Variants in FAM78A observed in about 807,000 individuals in gnomAD.
FAM78A encodes the protein family with sequence similarity 78 member A, also known as protein FAM78A.
Under a neutral mutation model 22.6 loss-of-function variants are expected in FAM78A, and 12 were observed. The observed-to-expected ratio is 0.53, with a 90% CI of 0.34 to 0.86. FAM78A has a LOEUF of 0.86. Ranked by LOEUF, FAM78A falls within the 40% of genes least tolerant of loss-of-function variation. FAM78A has a pLI of 0.02. For missense variants in FAM78A, 322 were observed against 396.1 expected (o/e 0.81, Z 1.59); for synonymous variants, 151 against 155.8 (o/e 0.97, Z 0.23).
chr9:131,267,820 C>T (rs1377683311), intron 1 of FAM78A, among the ~76,000 whole-genome samples: 4 of 151,926 alleles, frequency 2.6e-5, no homozygotes, highest in African/African-American at 4.8e-5. Flanking sequence ...CTGAGGCGGG[C>T]AGATCACAAG....
intron 1 of FAM78A, chr9:131,264,561 T>C (rs1450773986): frequency 5.6e-6 from 4 of 716,050 alleles, no homozygotes; most frequent in Non-Finnish European, 1.0e-5. Flanking sequence ...GTTTTTGTGA[T>C]GATTAAATGT....
chr9:131,270,359 T>C (rs1336224427), intron 1 of FAM78A: 2 of 717,418 alleles, frequency 2.8e-6, no homozygotes, highest in African/African-American at 3.5e-5. Flanking sequence ...TGGGCACGAC[T>C]GATCTTTTTC....
chr9:131,277,737 G>A (rs1835503356), upstream of FAM78A, among the ~76,000 whole-genome samples: 1 of 151,042 alleles, frequency 6.6e-6, no homozygotes, highest in Non-Finnish European at 1.5e-5. This position sits in a 1 kb window ranked among gnomAD's most constrained non-coding sequence, Gnocchi z 8.4. Flanking sequence ...CGGGGGGGCG[G>A]CCGGGGGCGG....
rs1311041330 is a variant in FAM78A, at chr9:131,270,999, G to GCCTTTTTTTTTTTTTT, written c.323+4857_323+4858insAAAAAAAAAAAAAAGG. On this transcript the variant is annotated intron_variant, in intron 1 of 1. Transcript: ENST00000372271. ...ACCCCTGCCCTGTCCTTTCCCACCA[G>GCCTTTTTTTTTTTTTT]TCTTTTTTTTTTTTTTTTTTTTTTG... Among the ~76,000 whole-genome samples the GCCTTTTTTTTTTTTTT allele has an allele frequency of 3.8e-5, 5 of 131,964 alleles. 1 individual carries two copies. The highest frequency in any genetic ancestry group is 2.4e-4 in the South Asian group (1 of 4,234). 86.6% of individuals were successfully genotyped at this position (131,964 alleles called of 152,430 possible).
chr9:131,273,475 G>A lies in FAM78A; in HGVS notation c.323+2382C>T, dbSNP rs112600595. Among the ~76,000 whole-genome samples, 881 of 152,372 alleles carry A rather than the reference G, an allele frequency of 5.8e-3. 11 individuals carry two copies. Among genetic ancestry groups the A allele is most frequent in the African/African-American group, 0.018 (767 of 41,594 alleles). On this transcript the variant is annotated intron_variant, in intron 1 of 1. Coordinates refer to ENST00000372271, the MANE Select transcript of FAM78A (RefSeq NM_033387.4). ...GCAGCAAAAGAGGAGTCCCGAGAGC[G>A]AGAGGGAGCAAAGAGAAACATCAGG...
intron 1 of FAM78A, among the ~76,000 whole-genome samples, chr9:131,270,916 G>C (rs1485959794): frequency 6.6e-6 from 1 of 152,030 alleles, no homozygotes; most frequent in African/African-American, 2.4e-5. Flanking sequence ...GAAGGCGCCC[G>C]AGGCAGCCAT....
chr9:131,262,744 C>A (rs192540135), intron 1 of FAM78A: 1 of 152,130 alleles, frequency 6.6e-6, no homozygotes, highest in Non-Finnish European at 1.5e-5. Context: ...CAGGCTACAA[C>A]ACAGATCAAC....
upstream of FAM78A, among the ~76,000 whole-genome samples, chr9:131,280,894 C>G (rs562549931): frequency 3.3e-5 from 5 of 152,300 alleles, no homozygotes; most frequent in African/African-American, 4.8e-5. Context: ...GTTGACCCGA[C>G]CCTGTCATCA....
chr9:131,278,862 G>C (rs745441476), upstream of FAM78A, among the ~76,000 whole-genome samples: 1 of 152,258 alleles, frequency 6.6e-6, no homozygotes, highest in Non-Finnish European at 1.5e-5. Context: ...GCCCACAGCC[G>C]GCACAGGGCA....
At chr9:131,264,725 C>CTTTTT (rs1564236515) in intron 1 of FAM78A, 1 of 406,824 alleles carries the variant, frequency 2.5e-6, no homozygotes. Context: ...CCTTTTCTGA[C>CTTTTT]CTTTTTTTTT....
chr9:131,269,537 C>CTCACG (rs1372072043), intron 1 of FAM78A, among the ~76,000 whole-genome samples: 1 of 151,654 alleles, frequency 6.6e-6, no homozygotes, highest in African/African-American at 2.4e-5. Context: ...AGTGCAGTGG[C>CTCACG]GTGATCTCGG....
chr9:131,279,590 A>G (rs1835522532), upstream of FAM78A, among the ~76,000 whole-genome samples: 1 of 152,170 alleles, frequency 6.6e-6, no homozygotes, highest in African/African-American at 2.4e-5. Context: ...CCTCTCGTGG[A>G]AAGGACAGGG....
chr9:131,260,960 G>C lies in FAM78A; in HGVS notation c.714C>G (p.Asp238Glu). 2 of 1,612,540 alleles carry C rather than the reference G, an allele frequency of 1.2e-6. No homozygotes were observed. The highest frequency in any genetic ancestry group is 1.3e-5 in the African/African-American group (1 of 75,032). ...CATTCTTGCTCAGGATTTTGGGCTG[G>C]TCCTGGGCGATGGGCTCCCGCAGCC... ...RARLREPIAQ[D>E]QPKILSKNEP... Residue 238 changes from aspartate to glutamate, a missense_variant, in exon 2 of 2, where the codon GAC becomes GAG. Transcript: ENST00000372271. This position sits in a 1 kb window ranked among gnomAD's most constrained non-coding sequence, Gnocchi z 5.4.
upstream of FAM78A, among the ~76,000 whole-genome samples, chr9:131,279,474 A>G (rs2148664): frequency 0.36 from 55,187 of 152,124 alleles, 10,620 homozygotes; most frequent in East Asian, 0.52. Context: ...CCCGACTCTC[A>G]TCACCCCGAC....
At position 131,276,301 on chromosome 9, in the gene FAM78A, C is replaced by T. The variant is rs1249993691; in HGVS notation, c.-122G>A. The T allele has an allele frequency of 2.7e-6, 2 of 740,334 alleles. No individual in the cohort carries two copies. The highest frequency in any genetic ancestry group is 5.5e-5 in the East Asian group (2 of 36,554). 45.9% of individuals were successfully genotyped at this position (740,334 alleles called of 1,614,324 possible). A position where few individuals can be genotyped will look rare whatever the true frequency, so the allele number is the denominator to read the frequency against. ...AGACTGGGGTTGCATATATCACTAC[C>T]GCGGCCTGTTTATAAATAAGGATTC... On this transcript the variant is annotated 5_prime_UTR_variant, in exon 1 of 2. Transcript: ENST00000372271. This position sits in a 1 kb window ranked among gnomAD's most constrained non-coding sequence, Gnocchi z 4.3.
At chr9:131,266,824 A>G (rs1196561458) in intron 1 of FAM78A, among the ~76,000 whole-genome samples, 3 of 152,236 alleles carry the variant, frequency 2.0e-5, no homozygotes, top group Non-Finnish European at 2.9e-5. Context: ...TTCAGGCACC[A>G]TAATGTCTGT....
chr9:131,270,261 C>G, intron 1 of FAM78A: 1 of 717,376 alleles, frequency 1.4e-6, no homozygotes, highest in Admixed American at 2.0e-5. Context: ...CGGTAACAGG[C>G]ACAGCTGAGC....
At position 131,275,850 on chromosome 9, in the gene FAM78A, T is replaced by A. The variant is rs778896933; in HGVS notation, c.323+7A>T. On this transcript the variant is annotated splice_region_variant and intron_variant, in intron 1 of 1. Transcript: ENST00000372271. The surrounding 1 kb of genome is among the most constrained non-coding windows in gnomAD (Gnocchi z 4.6). ...AGTTCCCAGAGCTGGCTCTCGGCCG[T>A]ACTCACATGCCCTGCTCGCCGTACT... 1.9e-6 allele frequency: 3 copies of A among 1,572,612 alleles called. No individual in the cohort carries two copies. The highest frequency in any genetic ancestry group is 2.6e-6 in the Non-Finnish European group (3 of 1,156,804).
chr9:131,262,152 C>G (rs1835279403), intron 1 of FAM78A, among the ~76,000 whole-genome samples: 1 of 151,234 alleles, frequency 6.6e-6, no homozygotes, highest in South Asian at 2.1e-4. Context: ...ATGGTGAAAC[C>G]CTGTCTCTAC....
Sources: allele counts gnomAD v4.1 joint callset (sites outside exome capture counted in the v4.1 genomes callset), GRCh38; gene constraint gnomAD v4.1.1; non-coding constraint Gnocchi (gnomAD v3.1); transcripts MANE v1.5; gene names NCBI Gene and HGNC (gene_info 2026-07-23, HGNC 2026-07-21).